Variants in JAK3 observed in about 807,000 individuals in gnomAD.
The protein encoded by JAK3 is tyrosine-protein kinase JAK3.
Under a neutral mutation model 120.8 loss-of-function variants are expected in JAK3, and 88 were observed. The ratio of observed to expected loss-of-function variants is 0.73; its 90% CI spans 0.61 to 0.87. The LOEUF (loss-of-function observed/expected upper bound fraction) is 0.87, where lower values mean the gene tolerates loss of function less well. Among genes scored for constraint, JAK3 ranks in the 40% least tolerant of loss-of-function variants. The probability of loss-of-function intolerance (pLI) is 0.00; values close to 1 mark genes in which losing one functional copy is unlikely to be tolerated. For synonymous variants in JAK3, 592 were observed against 628.6 expected, an observed-to-expected ratio of 0.94 and a Z score of 0.87; for missense variants, 1,254 against 1,501.4, an observed-to-expected ratio of 0.84 and a Z score of 2.72.
At chr19:17,839,733 T>G in intron 9 of JAK3, 70 bp from the exon 10 acceptor site, 1 of 1,293,768 alleles carries the variant, frequency 7.7e-7, no homozygotes, top group Non-Finnish European at 1.1e-6. Flanking sequence ...TTCTTCCTTT[T>G]TTTTCTTTTT....
At chr19:17,844,194 C>A in intron 2 of JAK3, 40 bp downstream of exon 2, 1 of 1,540,890 alleles carries the variant, frequency 6.5e-7, no homozygotes, top group East Asian at 2.4e-5. Flanking sequence ...CACACAGCCC[C>A]ATCCTTCCCT....
chr19:17,829,135 A>C (rs1380756619), intron 23 of JAK3, among the ~76,000 whole-genome samples: 3 of 151,742 alleles, frequency 2.0e-5, no homozygotes, highest in Non-Finnish European at 4.4e-5. Context: ...CTCTTAAAAA[A>C]ATTATTTTTA....
rs2094249745 is a variant in JAK3 at position 17,845,341 on chromosome 19, T to C, written c.-13-911A>G. On this transcript the variant is annotated intron_variant, in intron 1 of 23. Transcript: ENST00000458235. ...CACCACCACGCCCAGCTAATTTTCT[T>C]GTATTTTTAGTAGAGATGGGGTTTC... Among the ~76,000 whole-genome samples the C allele has an allele frequency of 2.0e-5, 3 of 152,100 alleles. No homozygotes were observed. In the South Asian group the frequency reaches 6.2e-4, roughly 32 times the overall value.
chr19:17,847,896 CAT>C, intron 1 of JAK3, 48 bp downstream of exon 1: 1 of 899,890 alleles, frequency 1.1e-6, no homozygotes, highest in Non-Finnish European at 1.3e-6. Context: ...CCGCCACCAC[CAT>C]CCTCCCCCAG....
intron 10 of JAK3, chr19:17,839,203 G>T: frequency 1.7e-6 from 1 of 593,236 alleles, no homozygotes. Context: ...CCCATCAGAG[G>T]GGTTTGTCCA....
chr19:17,840,857 G>C (rs889946931), intron 8 of JAK3, among the ~76,000 whole-genome samples: 2 of 152,126 alleles, frequency 1.3e-5, no homozygotes, highest in Admixed American at 6.6e-5. Flanking sequence ...ACAGGGTCTT[G>C]CTTGGTTGCC....
Position 17,831,042 on chromosome 19 carries a change from G to C in JAK3, c.2978+186C>G, listed in dbSNP as rs929879669. 6.7e-6 allele frequency among the ~76,000 whole-genome samples: 1 copy of C among 149,284 alleles called. No individual in the cohort carries two copies. Among genetic ancestry groups the C allele is most frequent in the Non-Finnish European group, 1.5e-5 (1 of 67,138 alleles). On this transcript the variant is annotated intron_variant, in intron 21 of 23. Transcript: ENST00000458235. This position sits in a 1 kb window ranked among gnomAD's most constrained non-coding sequence, Gnocchi z 5.1. ...TGGGGGCCGCTGACAGCAGGGCAGC[G>C]GGAGACAGAGGAGCCAGTGCTGTTG...
chr19:17,830,585 GAGA>G lies in JAK3; in HGVS notation c.3011_3013del (p.Phe1004del). The G allele has an allele frequency of 6.2e-7, 1 of 1,613,822 alleles. No individual in the cohort carries two copies. The highest frequency in any genetic ancestry group is 1.3e-5 in the African/African-American group (1 of 74,940). On this transcript the variant is annotated inframe_deletion, in exon 22 of 24. Transcript: ENST00000458235. ...GAAGCTCCAGACGTCTGACTGGCGAGAGAAGATGTTGTCCGAGAGGGATTCGGG... is the reference window on the plus strand; with the variant it reads ...GAAGCTCCAGACGTCTGACTGGCGAGAGATGTTGTCCGAGAGGGATTCGGG...
In JAK3 at chr19:17,837,134, C is replaced by G; in HGVS notation, c.1781G>C (p.Gly594Ala). 1.3e-6 allele frequency: 2 copies of G among 1,551,518 alleles called. No homozygotes were observed. The highest frequency in any genetic ancestry group is 1.7e-6 in the Non-Finnish European group (2 of 1,148,084). Residue 594 changes from glycine (G) to alanine (A), a missense_variant, in exon 13 of 24, where the codon GGA becomes GCA. By Grantham distance (60) the Gly-to-Ala change is moderately conservative (BLOSUM62 0). This residue lies in a region of JAK3 where 630 missense variants were observed against 819.8 expected (regional missense o/e 0.77). Coordinates refer to ENST00000458235, the MANE Select transcript of JAK3 (RefSeq NM_000215.4). Reference sequence around the variant, plus strand: ...GGTGGGTGGGGGGCTCTCACTGTCTCCAGCCATGCACACGCCGTGGAGCAG... The same window carrying G: ...GGTGGGTGGGGGGCTCTCACTGTCTGCAGCCATGCACACGCCGTGGAGCAG... ...LVLLHGVCMA[G>A]DSTMVQEFVH...
chr19:17,841,006 T>C lies in JAK3; in HGVS notation c.1142+383A>G, dbSNP rs1032027966. 2.0e-5 allele frequency among the ~76,000 whole-genome samples: 3 copies of C among 151,636 alleles called. No individual in the cohort carries two copies. The highest frequency in any genetic ancestry group is 7.3e-5 in the African/African-American group (3 of 41,282). On this transcript the variant is annotated intron_variant, in intron 8 of 23. Coordinates refer to ENST00000458235, the MANE Select transcript of JAK3 (RefSeq NM_000215.4). The surrounding 1 kb of genome is among the most constrained non-coding windows in gnomAD (Gnocchi z 4.1). ...ATTTTTTTTTCTTTTTTTGTAGAGATGGGGTCTCTCCTGTTGCCTAGACTT... is the reference window on the plus strand; with the variant it reads ...ATTTTTTTTTCTTTTTTTGTAGAGACGGGGTCTCTCCTGTTGCCTAGACTT...
In JAK3 at chr19:17,842,311, C is replaced by T; in HGVS notation, c.861+5G>A. The stretch of plus-strand genomic sequence containing the variant: ...GCCCCGCCCAGCGGGGGAGTCCGCC[C>T]TCACCTCCTGTTCTCCCTGGGTCCA... On this transcript the variant is annotated splice_donor_5th_base_variant and intron_variant, in intron 6 of 23. Coordinates refer to ENST00000458235, the MANE Select transcript of JAK3 (RefSeq NM_000215.4). This position sits in a 1 kb window ranked among gnomAD's most constrained non-coding sequence, Gnocchi z 6.4. The T allele has an allele frequency of 1.3e-6, 2 of 1,576,090 alleles. No individual in the cohort carries two copies. The highest frequency in any genetic ancestry group is 2.3e-5 in the South Asian group (2 of 87,706).
chr19:17,827,446 C>A (rs561518595), intron 23 of JAK3, among the ~76,000 whole-genome samples: 2 of 151,864 alleles, frequency 1.3e-5, no homozygotes, highest in African/African-American at 4.8e-5. Context: ...CTCCTGGGTT[C>A]AAGCGATTCT....
intron 23 of JAK3, 69 bp from the exon 24 acceptor site, chr19:17,826,979 T>G (rs2094205115): frequency 2.6e-6 from 4 of 1,540,646 alleles, no homozygotes; most frequent in Non-Finnish European, 3.5e-6. Flanking sequence ...CCATTCAGCG[T>G]ATTTGTTTTT....
Position 17,842,745 on chromosome 19 carries a change from A to G in JAK3, c.567-135T>C. The G allele has an allele frequency of 1.0e-6, 1 of 996,266 alleles. No individual in the cohort carries two copies. Among genetic ancestry groups the G allele is most frequent in the Non-Finnish European group, 1.4e-6 (1 of 692,090 alleles). The allele number at this position is 996,266 out of a possible 1,614,324, so 61.7% of individuals were successfully genotyped here. On this transcript the variant is annotated intron_variant, in intron 5 of 23. Transcript: ENST00000458235. This position sits in a 1 kb window ranked among gnomAD's most constrained non-coding sequence, Gnocchi z 6.4. The stretch of plus-strand genomic sequence containing the variant: ...GGGCACCAGGCACACACAGACTCTC[A>G]TTCAGGGTCAGGTATGAGGACCGGA...
chr19:17,844,525 G>T, intron 1 of JAK3, 95 bp from the exon 2 acceptor site: 1 of 1,143,770 alleles, frequency 8.7e-7, no homozygotes, highest in Non-Finnish European at 1.2e-6. Context: ...GAGGCCGGGT[G>T]CGGTGGCTTA....
chr19:17,840,316 T>C lies in JAK3; in HGVS notation c.1168A>G (p.Lys390Glu). 1 of 1,612,542 alleles carries C rather than the reference T, an allele frequency of 6.2e-7. No homozygotes were observed. Among genetic ancestry groups the C allele is most frequent in the South Asian group, 1.1e-5 (1 of 91,030 alleles). ...GAGCCAGGACGTGAGCCCCCAGTCT[T>C]GAGCTTGTTGATGGCAAAGTCCAGA... The part of the protein sequence containing the change: ...ITLDFAINKL[K>E]TGGSRPGSYV... Residue 390 changes from lysine to glutamate, a missense_variant, in exon 9 of 24, where the codon AAG becomes GAG. Physicochemically the swap from Lys to Glu is moderately conservative, Grantham distance 56 (BLOSUM62 1). Around this residue, in one of 3 missense-constraint regions of JAK3, gnomAD observed 486 missense variants for 503.0 expected, o/e 0.97. Coordinates refer to ENST00000458235, the MANE Select transcript of JAK3 (RefSeq NM_000215.4).
At chr19:17,837,293 C>T (rs1266933979) in intron 12 of JAK3, 80 bp from the exon 13 acceptor site, 1 of 1,109,104 alleles carries the variant, frequency 9.0e-7, no homozygotes. Flanking sequence ...CACAGACCTG[C>T]CTTAGGGGAA....
At chr19:17,839,389 C>T in intron 10 of JAK3, 88 bp downstream of exon 10, 1 of 1,301,066 alleles carries the variant, frequency 7.7e-7, no homozygotes, top group Non-Finnish European at 1.1e-6. Context: ...GCAGTTTCTG[C>T]CACTTGCCAC....
chr19:17,831,085 G>T lies in JAK3; in HGVS notation c.2978+143C>A. 2.6e-6 allele frequency: 2 copies of T among 781,634 alleles called. No homozygotes were observed. Among genetic ancestry groups the T allele is most frequent in the Non-Finnish European group, 2.0e-6 (1 of 488,722 alleles). 48.4% of individuals were successfully genotyped at this position (781,634 alleles called of 1,614,324 possible). A position where few individuals can be genotyped will look rare whatever the true frequency, so the allele number is the denominator to read the frequency against. On this transcript the variant is annotated intron_variant, in intron 21 of 23. Transcript: ENST00000458235. The surrounding 1 kb of genome is among the most constrained non-coding windows in gnomAD (Gnocchi z 5.1). Reference sequence around the variant, plus strand: ...TGCTGTTGAGGGGGCGGGGCTCTGGGGAGTGGGAGGGGCCAAAGCTGCAGC... The same window carrying T: ...TGCTGTTGAGGGGGCGGGGCTCTGGTGAGTGGGAGGGGCCAAAGCTGCAGC...
Sources: gnomAD v4.1 joint callset for allele counts (sites outside exome capture counted in the v4.1 genomes callset) on GRCh38, gnomAD v4.1.1 for gene constraint, gnomAD v4.1.1 regional missense constraint, Gnocchi (gnomAD v3.1) non-coding constraint, MANE v1.5 for transcripts, NCBI Gene and HGNC (gene_info 2026-07-23, HGNC 2026-07-21) for gene names.